CWF19L1: variants seen among roughly 807,000 people sequenced by gnomAD.
The protein encoded by CWF19L1 is CWF19 like cell cycle control factor 1, also known as CWF19-like protein 1.
A neutral mutation model predicts 69.7 loss-of-function variants in CWF19L1; 60 were observed. The ratio of observed to expected loss-of-function variants is 0.86; its 90% CI spans 0.70 to 1.07. The LOEUF (loss-of-function observed/expected upper bound fraction) is 1.07, where lower values mean the gene tolerates loss of function less well. Ranked by LOEUF, CWF19L1 falls within the 50% of genes least tolerant of loss-of-function variation. The probability of loss-of-function intolerance (pLI) is 0.00; values close to 1 mark genes in which losing one functional copy is unlikely to be tolerated. For synonymous variants in CWF19L1, 209 were observed against 222.2 expected (o/e 0.94, Z 0.53); for missense variants, 591 against 638.9 (o/e 0.92, Z 0.81).
intron 7 of CWF19L1, chr10:100,249,123 TG>T (rs1276165564): frequency 2.1e-6 from 1 of 469,998 alleles, no homozygotes; most frequent in African/African-American, 2.0e-5. Flanking sequence ...ACAGCCCTGA[TG>T]ATTCTTAACA....
intron 5 of CWF19L1, 86 bp from the exon 6 acceptor site, chr10:100,253,625 G>C (rs1847115070): frequency 1.3e-6 from 1 of 791,856 alleles, no homozygotes; most frequent in Non-Finnish European, 2.2e-6. Context: ...AAATGTCTTT[G>C]AAATTTATAC....
At position 100,265,999 on chromosome 10, in the gene CWF19L1, C is replaced by T. The variant is rs550618161; in HGVS notation, c.23+1572G>A. Among the ~76,000 whole-genome samples, 3 of 152,204 alleles carry T rather than the reference C, an allele frequency of 2.0e-5. No homozygotes were observed. In the East Asian group the frequency reaches 5.8e-4, roughly 29 times the overall value. On this transcript the variant is annotated intron_variant, in intron 1 of 13. Transcript: ENST00000354105. ...ACACTCAAAGATGTTCGCACAATGACGAAATCGCCTACCAACTCATTTCTC... is the reference window on the plus strand; with the variant it reads ...ACACTCAAAGATGTTCGCACAATGATGAAATCGCCTACCAACTCATTTCTC...
At chr10:100,266,345 ATT>A (rs67561203) in intron 1 of CWF19L1, among the ~76,000 whole-genome samples, 13 of 143,858 alleles carry the variant, frequency 9.0e-5, no homozygotes, top group African/African-American at 2.3e-4. Context: ...CGCCCGGCTA[ATT>A]TTTTTTTTTT....
chr10:100,233,598 G>C (rs1342917480), intron 13 of CWF19L1, among the ~76,000 whole-genome samples: 1 of 152,128 alleles, frequency 6.6e-6, no homozygotes, highest in Non-Finnish European at 1.5e-5. Flanking sequence ...TAAAAAACTT[G>C]GAACTATATT....
intron 7 of CWF19L1, chr10:100,248,853 G>T: frequency 8.8e-7 from 1 of 1,130,724 alleles, no homozygotes; most frequent in Non-Finnish European, 1.3e-6. Context: ...CCAGATTTGT[G>T]GCAGAAAAGG....
At chr10:100,249,648 G>C (rs572071852) in intron 7 of CWF19L1, among the ~76,000 whole-genome samples, 1 of 151,888 alleles carries the variant, frequency 6.6e-6, no homozygotes, top group Non-Finnish European at 1.5e-5. Flanking sequence ...GCAGTGGCCC[G>C]ATCTCAGCTC....
chr10:100,248,318 A>G (rs1307426438), intron 7 of CWF19L1: 3 of 1,325,348 alleles, frequency 2.3e-6, no homozygotes, highest in Non-Finnish European at 2.1e-6. Flanking sequence ...TAGCTGTTGC[A>G]GGAGACGTGG....
chr10:100,250,233 T>C lies in CWF19L1; in HGVS notation c.708+15A>G, dbSNP rs371551964. On this transcript the variant is annotated intron_variant, in intron 7 of 13. Coordinates refer to ENST00000354105, the MANE Select transcript of CWF19L1 (RefSeq NM_018294.6). ...CCATGAATATCAACCTTCCACCAAA[T>C]AGGTAAATCTTTACCTTTTTCTTTT... is the stretch of plus-strand genomic sequence containing the variant. 4.3e-5 allele frequency: 65 copies of C among 1,527,370 alleles called. No homozygotes were observed. Among genetic ancestry groups the C allele is most frequent in the African/African-American group, 5.5e-5 (4 of 73,152 alleles). The allele number at this position is 1,527,370 out of a possible 1,614,324, so 94.6% of individuals were successfully genotyped here.
At chr10:100,260,562 G>A (rs920235487) in intron 3 of CWF19L1, among the ~76,000 whole-genome samples, 1 of 150,378 alleles carries the variant, frequency 6.6e-6, no homozygotes, top group African/African-American at 2.4e-5. Flanking sequence ...TTGCTCTGTC[G>A]CCCAGGGTGA....
intron 4 of CWF19L1, among the ~76,000 whole-genome samples, chr10:100,257,506 G>C (rs1474837694): frequency 6.6e-6 from 1 of 151,540 alleles, no homozygotes; most frequent in Admixed American, 6.6e-5. Flanking sequence ...CATCATGTTG[G>C]CCAGGATGGT....
chr10:100,248,384 A>G, intron 7 of CWF19L1: 1 of 790,712 alleles, frequency 1.3e-6, no homozygotes, highest in Non-Finnish European at 2.2e-6. Flanking sequence ...TCTTTGACCG[A>G]TTCCATGGAG....
Position 100,260,207 on chromosome 10 carries a change from T to C in CWF19L1, c.289+11A>G, listed in dbSNP as rs1847352387. On this transcript the variant is annotated intron_variant, in intron 4 of 13. Coordinates refer to ENST00000354105, the MANE Select transcript of CWF19L1 (RefSeq NM_018294.6). ...AAAAACAAAAAAAAAATACAACAAG[T>C]ATCAGCTTACCCAGATAAGTAATGT... is the stretch of plus-strand genomic sequence containing the variant. 2 of 1,533,152 alleles carry C rather than the reference T, an allele frequency of 1.3e-6. No homozygotes were observed. The highest frequency in any genetic ancestry group is 3.7e-5 in the Admixed American group (2 of 54,470). The allele number at this position is 1,533,152 out of a possible 1,614,324, so 95.0% of individuals were successfully genotyped here.
chr10:100,263,114 T>C (rs182335341), intron 1 of CWF19L1, among the ~76,000 whole-genome samples: 14 of 152,272 alleles, frequency 9.2e-5, no homozygotes, highest in Admixed American at 2.6e-4. Context: ...AGAATACATT[T>C]ATGTTTCCTC....
At chr10:100,248,609 T>C (rs1846913387) in intron 7 of CWF19L1, 1 of 744,748 alleles carries the variant, frequency 1.3e-6, no homozygotes, top group Non-Finnish European at 2.5e-6. Flanking sequence ...GATAAGCGTG[T>C]GCTGCTGTCC....
chr10:100,245,780 C>G lies in CWF19L1; in HGVS notation c.964+19G>C. 3.2e-6 allele frequency: 5 copies of G among 1,585,866 alleles called. No individual in the cohort carries two copies. The highest frequency in any genetic ancestry group is 4.3e-6 in the Non-Finnish European group (5 of 1,154,660). ...CAGTTACTGTTCATAGAAGAAACCT[C>G]TGGAATAAAGGTACTTACGAGGTTT... is the stretch of plus-strand genomic sequence containing the variant. On this transcript the variant is annotated intron_variant, in intron 9 of 13. Coordinates refer to ENST00000354105, the MANE Select transcript of CWF19L1 (RefSeq NM_018294.6).
intron 10 of CWF19L1, among the ~76,000 whole-genome samples, chr10:100,240,944 C>T (rs17668255): frequency 0.29 from 43,599 of 150,116 alleles, 7,953 homozygotes; most frequent in Non-Finnish European, 0.43. Flanking sequence ...GTTGTGTCAC[C>T]GGCCTTGACT....
In CWF19L1 at chr10:100,232,749, C is replaced by CA. The variant is rs897647470; in HGVS notation, c.*477dup. The CA allele has an allele frequency of 2.0e-5, 3 of 152,216 alleles. No individual in the cohort carries two copies. The highest frequency in any genetic ancestry group is 7.2e-5 in the African/African-American group (3 of 41,432). 9.4% of individuals were successfully genotyped at this position (152,216 alleles called of 1,614,324 possible). On this transcript the variant is annotated 3_prime_UTR_variant, in exon 14 of 14. Transcript: ENST00000354105. ...TTTTCATCCTAGAATGACTTTTCCC[C>CA]AAAAAGATTCAATCTTAGGCCTCTT...
rs752058833 is a variant in CWF19L1 at position 100,260,260 on chromosome 10, C to A, written c.247G>T (p.Asp83Tyr). 1 of 1,612,742 alleles carries A rather than the reference C, an allele frequency of 6.2e-7. No homozygotes were observed. The highest frequency in any genetic ancestry group is 1.1e-5 in the South Asian group (1 of 90,992). The change falls in exon 4 of 14, where the codon GAT (aspartate) becomes TAT (tyrosine). Residue 83 changes from aspartate (D) to tyrosine (Y), a missense_variant. By Grantham distance (160) the Asp-to-Tyr change is radical. This residue lies in a region of CWF19L1 where 129 missense variants were observed against 131.3 expected (regional missense o/e 0.98). Transcript: ENST00000354105. Reference sequence around the variant, plus strand: ...TCAGCTAATTCACATCCATCAGCATCCTGGAAATATTTTACTGTTTCCTGG... The same window carrying A: ...TCAGCTAATTCACATCCATCAGCATACTGGAAATATTTTACTGTTTCCTGG... ...NNQETVKYFQ[D>Y]ADGCELAENI...
At chr10:100,263,811 A>C (rs1310095869) in intron 1 of CWF19L1, among the ~76,000 whole-genome samples, 1 of 152,188 alleles carries the variant, frequency 6.6e-6, no homozygotes, top group Non-Finnish European at 1.5e-5. Context: ...CTGAATCCCT[A>C]AACTATTCCT....
Sources: gnomAD v4.1 joint callset for allele counts (sites outside exome capture counted in the v4.1 genomes callset) on GRCh38, gnomAD v4.1.1 for gene constraint, gnomAD v4.1.1 regional missense constraint, MANE v1.5 for transcripts, NCBI Gene and HGNC (gene_info 2026-07-23, HGNC 2026-07-21) for gene names.